CHD1L: variants seen among roughly 807,000 people sequenced by gnomAD.
CHD1L encodes chromodomain helicase DNA binding protein 1 like.
A neutral mutation model predicts 115.9 loss-of-function variants in CHD1L; 118 were observed. The observed-to-expected ratio is 1.02, with a 90% confidence interval of 0.88 to 1.19. The LOEUF is 1.19. CHD1L is among the 50% of genes most tolerant of loss of function. The pLI, the probability that CHD1L is intolerant of heterozygous loss-of-function variation, is 0.00. For synonymous variants in CHD1L, 411 were observed against 387.1 expected, an observed-to-expected ratio of 1.06 and a Z score of -0.72; for missense variants, 1,179 against 1,065.3, an observed-to-expected ratio of 1.11 and a Z score of -1.49.
the CHD1L span, chr1:147,224,022 T>C: frequency 4.7e-6 from 2 of 421,084 alleles, no homozygotes; most frequent in Non-Finnish European, 4.7e-6. Context: ...CTGGTGGTGA[T>C]TGCACACGAT....
upstream of CHD1L, among the ~76,000 whole-genome samples, chr1:147,242,113 G>A (rs1350920369): frequency 6.6e-6 from 1 of 152,112 alleles, no homozygotes; most frequent in African/African-American, 2.4e-5. Flanking sequence ...GCCTCAATCT[G>A]CTCCCCATAA....
chr1:147,246,436 T>C (rs1666647087), intron 1 of CHD1L, among the ~76,000 whole-genome samples: 1 of 152,194 alleles, frequency 6.6e-6, no homozygotes, highest in East Asian at 1.9e-4. Flanking sequence ...GTGCTGTGAG[T>C]GGGTCATATG....
At chr1:147,239,309 C>T (rs587750414), upstream of CHD1L, among the ~76,000 whole-genome samples, 7 of 152,222 alleles carry the variant, frequency 4.6e-5, no homozygotes, top group Non-Finnish European at 5.9e-5. Flanking sequence ...ACTCTTAATT[C>T]GTCTCAAAGT....
At chr1:147,242,572 T>C (rs2102191419), upstream of CHD1L, 5 of 958,718 alleles carry the variant, frequency 5.2e-6, no homozygotes, top group Non-Finnish European at 6.7e-6. Context: ...CCGGATATCT[T>C]GGCAGGACGC....
the CHD1L span, among the ~76,000 whole-genome samples, chr1:147,228,504 T>C: frequency 6.6e-6 from 1 of 152,248 alleles, no homozygotes; most frequent in Non-Finnish European, 1.5e-5. Context: ...GCATGATTTA[T>C]AATCCTTTGG....
the CHD1L span, chr1:147,212,470 CA>C: frequency 6.2e-7 from 1 of 1,613,858 alleles, no homozygotes. Context: ...ACTCTCTTTC[CA>C]GTGAATCCCT....
intron 12 of CHD1L, among the ~76,000 whole-genome samples, chr1:147,273,133 G>T (rs1345516142): frequency 2.0e-5 from 3 of 152,174 alleles, no homozygotes; most frequent in Admixed American, 2.0e-4. Flanking sequence ...AATCCAGGAG[G>T]CGGAGGTTGC....
chr1:147,275,664 G>A (rs1678117162), intron 13 of CHD1L, among the ~76,000 whole-genome samples, 196 bp downstream of exon 13: 1 of 151,788 alleles, frequency 6.6e-6, no homozygotes, highest in Non-Finnish European at 1.5e-5. Flanking sequence ...TTATTAGAAG[G>A]AGTCAAATCA....
chr1:147,263,493 ATTGT>A (rs1672724591), intron 6 of CHD1L, among the ~76,000 whole-genome samples: 1 of 150,506 alleles, frequency 6.6e-6, no homozygotes, highest in South Asian at 2.1e-4. Flanking sequence ...ATTTTGATGT[ATTGT>A]TTAATTCTAC....
chr1:147,195,092 C>G, the CHD1L span, among the ~76,000 whole-genome samples: 1 of 152,174 alleles, frequency 6.6e-6, no homozygotes, highest in East Asian at 1.9e-4. Flanking sequence ...GGATAATATC[C>G]TGCAGAGTGT....
intron 16 of CHD1L, 79 bp downstream of exon 16, chr1:147,284,578 G>A (rs1047341604): frequency 9.4e-6 from 12 of 1,274,354 alleles, no homozygotes; most frequent in Admixed American, 8.0e-5. Context: ...TGCTGGCATC[G>A]TTTTGTTCTC....
chr1:147,207,862 T>C, the CHD1L span, among the ~76,000 whole-genome samples: 1 of 152,158 alleles, frequency 6.6e-6, no homozygotes, highest in African/African-American at 2.4e-5. Flanking sequence ...CATCCCTGGG[T>C]CAGGAGGTAA....
intron 15 of CHD1L, 71 bp downstream of exon 15, chr1:147,280,262 T>A: frequency 6.9e-7 from 1 of 1,453,890 alleles, no homozygotes; most frequent in African/African-American, 1.4e-5. Flanking sequence ...CCATGGAAAG[T>A]TTTGGATGCT....
chr1:147,219,959 C>T, the CHD1L span, among the ~76,000 whole-genome samples: 1 of 152,006 alleles, frequency 6.6e-6, no homozygotes, highest in South Asian at 2.1e-4. Flanking sequence ...CTGCCTCAGC[C>T]TCCGGAGTAA....
At chr1:147,210,618 G>A in the CHD1L span, 38 of 152,244 alleles carry the variant, frequency 2.5e-4, no homozygotes, top group Non-Finnish European at 4.0e-4. Context: ...TATAACTTCT[G>A]CTGAGTAATG....
intron 14 of CHD1L, among the ~76,000 whole-genome samples, chr1:147,279,054 T>C (rs6683839): frequency 0.68 from 103,493 of 152,098 alleles, 35,309 homozygotes; most frequent in African/African-American, 0.71. Flanking sequence ...TCCTACTATT[T>C]TTGGTACCAG....
At chr1:147,180,354 C>G in the CHD1L span, among the ~76,000 whole-genome samples, 1 of 151,942 alleles carries the variant, frequency 6.6e-6, no homozygotes, top group Non-Finnish European at 1.5e-5. Flanking sequence ...TTCATTGGCG[C>G]GATCTCAGCT....
At chr1:147,238,041 C>T (rs180988212), upstream of CHD1L, among the ~76,000 whole-genome samples, 3 of 152,144 alleles carry the variant, frequency 2.0e-5, no homozygotes, top group African/African-American at 7.2e-5. Context: ...TTCTATACTT[C>T]TATACTGTGG....
chr1:147,247,449 C>T (rs1553934349), intron 1 of CHD1L, among the ~76,000 whole-genome samples: 1 of 152,056 alleles, frequency 6.6e-6, no homozygotes, highest in Non-Finnish European at 1.5e-5. Context: ...CCTGGCATCC[C>T]CCACGCCTTT....
Sources: gnomAD v4.1 joint callset for allele counts (sites outside exome capture counted in the v4.1 genomes callset) on GRCh38, gnomAD v4.1.1 for gene constraint, MANE v1.5 for transcripts, NCBI Gene and HGNC (gene_info 2026-07-23, HGNC 2026-07-21) for gene names.